The following CD9 variants were observed in gnomAD, a reference collection of about 807,000 sequenced individuals.
CD9 encodes CD9 molecule, also known as CD9 antigen.
In CD9, 10 loss-of-function variants were observed where a neutral mutation model predicts 31.4. That is an observed-to-expected ratio of 0.32 (90% CI 0.20 to 0.54). The LOEUF is 0.54. Ranked by LOEUF, CD9 falls within the 20% of genes least tolerant of loss-of-function variation. The probability of loss-of-function intolerance (pLI) is 0.94; values close to 1 mark genes in which losing one functional copy is unlikely to be tolerated. For missense variants in CD9, 259 were observed against 300.1 expected (o/e 0.86, Z 1.01); for synonymous variants, 113 against 114.1 (o/e 0.99, Z 0.06).
Position 6,237,938 on chromosome 12 carries a change from T to C in CD9, c.*110T>C. The C allele has an allele frequency of 1.3e-6, 1 of 781,576 alleles. No individual in the cohort carries two copies. Among genetic ancestry groups the C allele is most frequent in the Non-Finnish European group, 2.2e-6 (1 of 460,458 alleles). 48.4% of individuals were successfully genotyped at this position (781,576 alleles called of 1,614,324 possible). On this transcript the variant is annotated 3_prime_UTR_variant, in exon 8 of 8. Coordinates refer to ENST00000009180, the MANE Select transcript of CD9 (RefSeq NM_001769.4). ...TTGTTGTTTGTTTTTTTGCCACTAA[T>C]TTTAGTATTCATTCTGCATTGCTAG...
At chr12:6,228,819 G>A (rs1946403960) in intron 2 of CD9, among the ~76,000 whole-genome samples, 1 of 152,174 alleles carries the variant, frequency 6.6e-6, no homozygotes, top group South Asian at 2.1e-4. Flanking sequence ...ATAGTCATGG[G>A]GTGACCGCCC....
At chr12:6,206,933 C>A (rs534963733) in intron 1 of CD9, among the ~76,000 whole-genome samples, 13 of 151,634 alleles carry the variant, frequency 8.6e-5, no homozygotes, top group Non-Finnish European at 1.9e-4. Flanking sequence ...CTCCATTGCC[C>A]AGGCTGCAGT....
At chr12:6,211,054 T>A (rs1274213854) in intron 1 of CD9, among the ~76,000 whole-genome samples, 1 of 152,056 alleles carries the variant, frequency 6.6e-6, no homozygotes, top group Non-Finnish European at 1.5e-5. Flanking sequence ...GCCAGGCTGG[T>A]CTTGAACTCC....
Position 6,200,556 on chromosome 12 carries a change from C to A in CD9, c.57C>A (p.Phe19Leu). Residue 19 changes from phenylalanine (F) to leucine (L), a missense_variant, in exon 1 of 8, where the codon TTC becomes TTA. By Grantham distance (22) the Phe-to-Leu change is conservative. Transcript: ENST00000009180. Reference sequence around the variant, plus strand: ...AATACCTGCTGTTCGGATTTAACTTCATCTTCTGGGTGAGTGAGCGCGACT... The same window carrying A: ...AATACCTGCTGTTCGGATTTAACTTAATCTTCTGGGTGAGTGAGCGCGACT... Reference protein sequence around the residue: ...CIKYLLFGFNFIFWLAGIAVL... With the variant: ...CIKYLLFGFNLIFWLAGIAVL... The A allele has an allele frequency of 1.9e-6, 3 of 1,608,402 alleles. No homozygotes were observed. Among genetic ancestry groups the A allele is most frequent in the East Asian group, 2.2e-5 (1 of 44,742 alleles).
chr12:6,204,547 G>A (rs140358599), intron 1 of CD9, among the ~76,000 whole-genome samples: 2 of 152,216 alleles, frequency 1.3e-5, no homozygotes, highest in Non-Finnish European at 2.9e-5. Flanking sequence ...CTCACCCTGG[G>A]TGGGGTCTCT....
chr12:6,225,124 A>G (rs1946345755), intron 1 of CD9: 1 of 340,866 alleles, frequency 2.9e-6, no homozygotes, highest in Admixed American at 4.6e-5. Context: ...AGATGCACTC[A>G]TGGTGTTGCG....
Position 6,232,729 on chromosome 12 carries a change from G to GGTGA in CD9, c.273+3_273+6dup. ...AGGAGTCCCAGTGCATGCTGGGACT[G>GGTGA]GTGAGTATCCCCTCGGCATCCCCAC... is the stretch of plus-strand genomic sequence containing the variant. On this transcript the variant is annotated frameshift_variant and splice_region_variant. Coordinates refer to ENST00000009180, the MANE Select transcript of CD9 (RefSeq NM_001769.4). LOFTEE classifies it high-confidence loss of function. The surrounding 1 kb of genome is among the most constrained non-coding windows in gnomAD (Gnocchi z 4.8). The GGTGA allele has an allele frequency of 6.5e-7, 1 of 1,547,362 alleles. No homozygotes were observed. The highest frequency in any genetic ancestry group is 1.2e-5 in the South Asian group (1 of 84,750).
chr12:6,200,765 T>TCC, intron 1 of CD9, 200 bp downstream of exon 1: 1 of 470,236 alleles, frequency 2.1e-6, no homozygotes, highest in Non-Finnish European at 3.7e-6. Flanking sequence ...GACGGGCGCA[T>TCC]TCGGGTGGGG....
chr12:6,219,087 C>T (rs1946268489), intron 1 of CD9, among the ~76,000 whole-genome samples: 1 of 151,964 alleles, frequency 6.6e-6, no homozygotes, highest in African/African-American at 2.4e-5. Flanking sequence ...CTCATTGCAA[C>T]CTCTGGCTCC....
chr12:6,222,255 C>T (rs1206248599), intron 1 of CD9, among the ~76,000 whole-genome samples: 1 of 152,126 alleles, frequency 6.6e-6, no homozygotes, highest in East Asian at 1.9e-4. Context: ...CACATAGCAT[C>T]CCCCCCGGCC....
chr12:6,216,497 C>T lies in CD9; in HGVS notation c.67-8929C>T, dbSNP rs116923329. On this transcript the variant is annotated intron_variant, in intron 1 of 7. Transcript: ENST00000009180. Reference sequence around the variant, plus strand: ...CCTGCCCAACCCAGGAAAATCCCCTCTCTCTCTGTTATCTGCTGCTGTAAT... The same window carrying T: ...CCTGCCCAACCCAGGAAAATCCCCTTTCTCTCTGTTATCTGCTGCTGTAAT... Among the ~76,000 whole-genome samples, 319 of 152,304 alleles carry T rather than the reference C, an allele frequency of 2.1e-3. 6 individuals are homozygous for T. The East Asian group carries it at 0.032, about 15-fold the overall frequency.
intron 1 of CD9, among the ~76,000 whole-genome samples, chr12:6,221,935 C>G (rs1037335111): frequency 1.3e-4 from 20 of 151,998 alleles, no homozygotes; most frequent in African/African-American, 4.8e-4. Flanking sequence ...TCCAAGGCTA[C>G]AGTGAGCTAT....
intron 1 of CD9, among the ~76,000 whole-genome samples, chr12:6,210,384 T>TA (rs1812273572): frequency 6.6e-6 from 1 of 152,172 alleles, no homozygotes; most frequent in Non-Finnish European, 1.5e-5. Context: ...ACCCTGACTA[T>TA]ATGACCAGTG....
chr12:6,212,832 G>A (rs1374967696), intron 1 of CD9, among the ~76,000 whole-genome samples: 1 of 152,126 alleles, frequency 6.6e-6, no homozygotes, highest in African/African-American at 2.4e-5. Flanking sequence ...TGGAATGTTG[G>A]GTTTAAGTGT....
chr12:6,200,785 C>T, intron 1 of CD9: 2 of 443,706 alleles, frequency 4.5e-6, no homozygotes, highest in Non-Finnish European at 7.9e-6. Context: ...GGCTCATCAC[C>T]GCCCAGCCGG....
intron 4 of CD9, among the ~76,000 whole-genome samples, chr12:6,234,684 C>G (rs184119993): frequency 6.6e-6 from 1 of 152,346 alleles, no homozygotes; most frequent in Non-Finnish European, 1.5e-5. Context: ...TATTATGATA[C>G]AATAGCTGGC....
intron 1 of CD9, among the ~76,000 whole-genome samples, chr12:6,214,530 G>A (rs777139188): frequency 6.6e-6 from 1 of 151,612 alleles, no homozygotes; most frequent in Non-Finnish European, 1.5e-5. Context: ...GTATTTTTTA[G>A]TAGAGACTGG....
Position 6,236,114 on chromosome 12 carries a change from G to A in CD9, c.538-78G>A, listed in dbSNP as rs1946519384. On this transcript the variant is annotated intron_variant, in intron 6 of 7. Transcript: ENST00000009180. ...TCTGCCCACCAGTTCTCCCGGGTGA[G>A]ACGGGGGCCATGGGAGGGAGGAGGT... is the stretch of plus-strand genomic sequence containing the variant. 4 of 1,588,562 alleles carry A rather than the reference G, an allele frequency of 2.5e-6. No homozygotes were observed. The South Asian group carries it at 4.6e-5, about 18-fold the overall frequency.
At chr12:6,212,225 C>G (rs1229153840) in intron 1 of CD9, among the ~76,000 whole-genome samples, 1 of 152,186 alleles carries the variant, frequency 6.6e-6, no homozygotes. Flanking sequence ...CTCATGCCTG[C>G]TCTGTGACCA....
Sources: allele counts gnomAD v4.1 joint callset (sites outside exome capture counted in the v4.1 genomes callset), GRCh38; gene constraint gnomAD v4.1.1; non-coding constraint Gnocchi (gnomAD v3.1); transcripts MANE v1.5; gene names NCBI Gene and HGNC (gene_info 2026-07-23, HGNC 2026-07-21).